MSRB3: variants seen among roughly 807,000 people sequenced by gnomAD.
MSRB3 encodes the protein methionine sulfoxide reductase B3.
In MSRB3, 13 loss-of-function variants were observed where a neutral mutation model predicts 21.0. The ratio of observed to expected loss-of-function variants is 0.62; its 90% CI spans 0.40 to 0.98. The LOEUF is 0.98. MSRB3 is among the 50% of genes least tolerant of loss of function. The pLI is 0.00. For missense variants in MSRB3, 199 were observed against 230.3 expected (o/e 0.86, Z 0.88); for synonymous variants, 87 against 88.6 (o/e 0.98, Z 0.10).
intron 5 of MSRB3, among the ~76,000 whole-genome samples, chr12:65,448,909 G>A (rs1056515197): frequency 1.3e-5 from 2 of 152,128 alleles, no homozygotes; most frequent in Admixed American, 1.3e-4. Context: ...GCCCATATTT[G>A]GTTGATTGCC....
chr12:65,295,392 C>T (rs183889752), intron 1 of MSRB3, among the ~76,000 whole-genome samples: 8 of 152,202 alleles, frequency 5.3e-5, no homozygotes, highest in Admixed American at 3.9e-4. Context: ...TTGTATTATA[C>T]GTTCTCCCTT....
chr12:65,431,021 C>T (rs1362938978), intron 5 of MSRB3, among the ~76,000 whole-genome samples: 2 of 152,066 alleles, frequency 1.3e-5, no homozygotes, highest in South Asian at 2.1e-4. Context: ...CATCAAACTC[C>T]TTTCCTAGTG....
chr12:65,441,604 C>T (rs1882383843), intron 5 of MSRB3, among the ~76,000 whole-genome samples: 1 of 151,896 alleles, frequency 6.6e-6, no homozygotes, highest in African/African-American at 2.4e-5. Context: ...AATTATCTTT[C>T]CCTTCCTGGA....
chr12:65,278,840 C>A lies in MSRB3; in HGVS notation c.-77C>A. The stretch of plus-strand genomic sequence containing the variant: ...CCCTCTGCCTCTGCCTCTGCCTGGC[C>A]GCGGCTCTGGGAAGTGCGCAGTCCG... On this transcript the variant is annotated 5_prime_UTR_variant, in exon 1 of 7. Coordinates refer to ENST00000308259, the MANE Select transcript of MSRB3 (RefSeq NM_001031679.3). 6.4e-7 allele frequency: 1 copy of A among 1,565,214 alleles called. No individual in the cohort carries two copies. The highest frequency in any genetic ancestry group is 8.7e-7 in the Non-Finnish European group (1 of 1,154,790).
intron 2 of MSRB3, among the ~76,000 whole-genome samples, chr12:65,309,533 G>C (rs1592510777): frequency 6.7e-6 from 1 of 148,828 alleles, no homozygotes; most frequent in African/African-American, 2.6e-5. Context: ...AAATGGAACT[G>C]TGTGAGGACC....
intron 5 of MSRB3, among the ~76,000 whole-genome samples, chr12:65,411,472 G>A (rs1278341311): frequency 1.3e-5 from 2 of 152,218 alleles, no homozygotes; most frequent in Middle Eastern, 3.4e-3. Flanking sequence ...AACCTCACAA[G>A]TAGAAAGGAA....
intron 4 of MSRB3, among the ~76,000 whole-genome samples, chr12:65,337,384 A>G (rs748510929): frequency 2.1e-4 from 30 of 140,060 alleles, no homozygotes; most frequent in Non-Finnish European, 3.7e-4. Context: ...CAGCGAGCCG[A>G]GATCACACCA....
intron 5 of MSRB3, among the ~76,000 whole-genome samples, chr12:65,382,955 A>G (rs962600289): frequency 1.3e-5 from 2 of 152,066 alleles, no homozygotes; most frequent in African/African-American, 2.4e-5. Context: ...TTTATTTATG[A>G]TGAAATATGA....
intron 5 of MSRB3, among the ~76,000 whole-genome samples, chr12:65,395,455 G>T (rs1189064086): frequency 6.6e-6 from 1 of 150,654 alleles, no homozygotes; most frequent in East Asian, 1.9e-4. Context: ...GACAGAGTGA[G>T]ACTCCATCTA....
At chr12:65,357,508 T>C (rs576390632) in intron 4 of MSRB3, among the ~76,000 whole-genome samples, 5 of 152,080 alleles carry the variant, frequency 3.3e-5, no homozygotes, top group Non-Finnish European at 7.4e-5. Context: ...GTTATAATTA[T>C]AAATGAATAT....
intron 5 of MSRB3, among the ~76,000 whole-genome samples, chr12:65,380,015 G>T (rs553832814): frequency 5.5e-4 from 84 of 152,300 alleles, no homozygotes; most frequent in African/African-American, 1.9e-3. Context: ...TACATATGAA[G>T]ATATCTGTAG....
At chr12:65,460,541 G>A (rs370117359) in intron 6 of MSRB3, among the ~76,000 whole-genome samples, 200 of 152,244 alleles carry the variant, frequency 1.3e-3, no homozygotes, top group African/African-American at 4.6e-3. Context: ...GTTTTGAGAT[G>A]ATGCTCTTCC....
intron 4 of MSRB3, among the ~76,000 whole-genome samples, chr12:65,350,914 G>A (rs1443284110): frequency 6.8e-6 from 1 of 147,642 alleles, no homozygotes; most frequent in African/African-American, 2.6e-5. Context: ...GAGACAGAAA[G>A]TCAACAAGGA....
intron 4 of MSRB3, among the ~76,000 whole-genome samples, chr12:65,342,052 G>A (rs1876179005): frequency 6.6e-6 from 1 of 151,896 alleles, no homozygotes; most frequent in South Asian, 2.1e-4. Flanking sequence ...AGTTCTAGGG[G>A]AAAATAGAAG....
intron 5 of MSRB3, among the ~76,000 whole-genome samples, chr12:65,376,214 G>A (rs1034269938): frequency 6.6e-6 from 1 of 151,402 alleles, no homozygotes; most frequent in Non-Finnish European, 1.5e-5. Flanking sequence ...CCGCCTCCTG[G>A]GTTCACGCCA....
chr12:65,442,867 G>A (rs544536186), intron 5 of MSRB3, among the ~76,000 whole-genome samples: 3 of 152,206 alleles, frequency 2.0e-5, no homozygotes, highest in East Asian at 3.9e-4. Context: ...TTCTGTGTAA[G>A]ATGTATTTTT....
At chr12:65,442,323 T>C (rs1369378437) in intron 5 of MSRB3, among the ~76,000 whole-genome samples, 1 of 152,044 alleles carries the variant, frequency 6.6e-6, no homozygotes, top group Non-Finnish European at 1.5e-5. Context: ...GGAATTACTC[T>C]GACATTTTTG....
At chr12:65,323,382 CTG>C (rs1874811649) in intron 2 of MSRB3, among the ~76,000 whole-genome samples, 1 of 152,226 alleles carries the variant, frequency 6.6e-6, no homozygotes, top group African/African-American at 2.4e-5. Context: ...CAAGATGGAA[CTG>C]ATCTATCTCA....
At chr12:65,351,750 A>G (rs1877012004) in intron 4 of MSRB3, among the ~76,000 whole-genome samples, 1 of 151,486 alleles carries the variant, frequency 6.6e-6, no homozygotes, top group South Asian at 2.1e-4. Flanking sequence ...ACACTCTCCC[A>G]AGACTAAACC....
Sources: gnomAD v4.1 joint callset for allele counts (sites outside exome capture counted in the v4.1 genomes callset) on GRCh38, gnomAD v4.1.1 for gene constraint, MANE v1.5 for transcripts, NCBI Gene and HGNC (gene_info 2026-07-23, HGNC 2026-07-21) for gene names.